WDR70: variants seen among roughly 807,000 people sequenced by gnomAD.
The protein encoded by WDR70 is WD repeat-containing protein 70.
In WDR70, 53 loss-of-function variants were observed where a neutral mutation model predicts 88.6. That is an observed-to-expected ratio of 0.60 (90% CI 0.48 to 0.75). WDR70 has a LOEUF of 0.75. Among genes scored for constraint, WDR70 ranks in the 30% least tolerant of loss-of-function variants. WDR70 has a pLI of 0.00. For synonymous variants in WDR70, 280 were observed against 270.0 expected (o/e 1.04, Z -0.36); for missense variants, 610 against 823.2 (o/e 0.74, Z 3.17).
At chr5:37,447,912 T>A (rs1738553611) in intron 7 of WDR70, among the ~76,000 whole-genome samples, 2 of 152,096 alleles carry the variant, frequency 1.3e-5, no homozygotes, top group Non-Finnish European at 2.9e-5. Flanking sequence ...GTTGTGCACA[T>A]GTACCCTAGA....
intron 5 of WDR70, among the ~76,000 whole-genome samples, chr5:37,397,639 G>A (rs1036408523): frequency 3.9e-5 from 6 of 152,160 alleles, no homozygotes; most frequent in Non-Finnish European, 7.4e-5. Context: ...TTTGGGAGGA[G>A]GCCAGGGATA....
intron 17 of WDR70, among the ~76,000 whole-genome samples, chr5:37,731,149 T>C (rs1039746615): frequency 3.9e-5 from 6 of 152,010 alleles, no homozygotes; most frequent in African/African-American, 1.4e-4. Context: ...TGGTCATTGG[T>C]GATGGTTGGA....
chr5:37,485,995 G>A (rs988686325), intron 8 of WDR70, among the ~76,000 whole-genome samples: 9 of 151,534 alleles, frequency 5.9e-5, no homozygotes, highest in African/African-American at 1.7e-4. Context: ...GATTACAGGC[G>A]TTAGCCACTG....
At chr5:37,417,971 G>T (rs575430792) in intron 5 of WDR70, among the ~76,000 whole-genome samples, 8 of 152,316 alleles carry the variant, frequency 5.3e-5, no homozygotes, top group African/African-American at 1.9e-4. Context: ...AAGTGGAAAT[G>T]ATGTTAAAGA....
At chr5:37,485,204 C>T (rs1272511504) in intron 8 of WDR70, among the ~76,000 whole-genome samples, 1 of 152,136 alleles carries the variant, frequency 6.6e-6, no homozygotes, top group African/African-American at 2.4e-5. Context: ...TGATTTTTGT[C>T]TGAATTGAAA....
At chr5:37,452,666 T>G (rs1357439346) in intron 7 of WDR70, among the ~76,000 whole-genome samples, 2 of 152,256 alleles carry the variant, frequency 1.3e-5, no homozygotes, top group Non-Finnish European at 2.9e-5. Flanking sequence ...TTTTTGTCAC[T>G]GATCTGTATT....
intron 4 of WDR70, among the ~76,000 whole-genome samples, chr5:37,393,112 A>T (rs779487690): frequency 6.6e-6 from 1 of 152,030 alleles, no homozygotes; most frequent in Admixed American, 6.6e-5. Flanking sequence ...GCACCATCTC[A>T]GCTCACTGCA....
In WDR70 at chr5:37,429,621, A is replaced by G. The variant is rs542224512; in HGVS notation, c.493-8301A>G. Among the ~76,000 whole-genome samples, 24 of 151,978 alleles carry G rather than the reference A, an allele frequency of 1.6e-4. No homozygotes were observed. In the East Asian group the frequency reaches 1.9e-3, roughly 12 times the overall value. ...GTCTTCTCATTTGGATTATCTTGGC[A>G]TTTTTCTTGAAAACAAATTTGTATA... On this transcript the variant is annotated intron_variant, in intron 5 of 17. Transcript: ENST00000265107.
intron 10 of WDR70, among the ~76,000 whole-genome samples, chr5:37,634,823 G>T (rs1487504832): frequency 1.3e-5 from 2 of 152,342 alleles, no homozygotes; most frequent in South Asian, 2.1e-4. Flanking sequence ...AAGGTAGGGA[G>T]ATTTGCCCAT....
chr5:37,573,717 T>A (rs956035001), intron 9 of WDR70, among the ~76,000 whole-genome samples: 4 of 152,088 alleles, frequency 2.6e-5, no homozygotes, highest in Non-Finnish European at 4.4e-5. Flanking sequence ...TTGTCTGTAG[T>A]CTCTGTCTCA....
chr5:37,522,851 A>G (rs1741139666), intron 9 of WDR70, among the ~76,000 whole-genome samples: 2 of 152,234 alleles, frequency 1.3e-5, no homozygotes, highest in South Asian at 4.1e-4. Context: ...CCTGGCTCAG[A>G]GGGTCCTGTG....
intron 10 of WDR70, among the ~76,000 whole-genome samples, chr5:37,689,984 T>G (rs1387243986): frequency 1.3e-5 from 2 of 152,188 alleles, no homozygotes; most frequent in Non-Finnish European, 2.9e-5. Flanking sequence ...GACGAATGGC[T>G]AACTAGAATA....
chr5:37,505,978 T>C, intron 8 of WDR70: 2 of 1,588,290 alleles, frequency 1.3e-6, no homozygotes, highest in Non-Finnish European at 8.6e-7. Context: ...TCCTCAAAAT[T>C]ACACAGTTTC....
chr5:37,424,621 G>A (rs1199659248), intron 5 of WDR70, among the ~76,000 whole-genome samples: 2 of 151,998 alleles, frequency 1.3e-5, no homozygotes, highest in East Asian at 1.9e-4. Context: ...TGTTGCCCAA[G>A]CTGGACTTGG....
chr5:37,392,180 T>G (rs1034699599), intron 4 of WDR70, 60 bp downstream of exon 4: 3 of 1,484,148 alleles, frequency 2.0e-6, no homozygotes, highest in East Asian at 2.4e-5. Flanking sequence ...TTATAGAGTT[T>G]TTTTTTTTTT....
At chr5:37,627,167 C>T (rs1308538898) in intron 10 of WDR70, among the ~76,000 whole-genome samples, 1 of 152,112 alleles carries the variant, frequency 6.6e-6, no homozygotes, top group Non-Finnish European at 1.5e-5. Context: ...TGGCTTATTG[C>T]AGCCTCAGCT....
intron 17 of WDR70, among the ~76,000 whole-genome samples, chr5:37,730,186 T>C (rs1748104073): frequency 6.6e-6 from 1 of 152,188 alleles, no homozygotes; most frequent in Admixed American, 6.5e-5. Flanking sequence ...TTATTGCTAA[T>C]CTGTGATTAT....
At chr5:37,597,054 AT>A (rs1322733070) in intron 9 of WDR70, among the ~76,000 whole-genome samples, 1 of 152,186 alleles carries the variant, frequency 6.6e-6, no homozygotes, top group African/African-American at 2.4e-5. Context: ...GCTGAATAAA[AT>A]TTCACTCTAT....
At chr5:37,481,188 G>A (rs923373263) in intron 8 of WDR70, among the ~76,000 whole-genome samples, 5 of 152,202 alleles carry the variant, frequency 3.3e-5, no homozygotes, top group Admixed American at 2.0e-4. Context: ...CAAGCAGTCA[G>A]TGGATCTACC....
Sources: allele counts gnomAD v4.1 joint callset (sites outside exome capture counted in the v4.1 genomes callset), GRCh38; gene constraint gnomAD v4.1.1; transcripts MANE v1.5; gene names NCBI Gene and HGNC (gene_info 2026-07-23, HGNC 2026-07-21).